The following KCNMA1 variants were observed in gnomAD, a reference collection of about 807,000 sequenced individuals.
KCNMA1 encodes potassium calcium-activated channel subfamily M alpha 1, also known as Calcium-activated potassium channel subunit alpha-1.
Under a neutral mutation model 140.0 loss-of-function variants are expected in KCNMA1, and 29 were observed. That is an observed-to-expected ratio of 0.21 (90% CI 0.15 to 0.28). The LOEUF (loss-of-function observed/expected upper bound fraction) is 0.28, where lower values mean the gene tolerates loss of function less well. Ranked by LOEUF, KCNMA1 falls within the 10% of genes least tolerant of loss-of-function variation. The probability of loss-of-function intolerance (pLI) is 1.00; values close to 1 mark genes in which losing one functional copy is unlikely to be tolerated. For synonymous variants in KCNMA1, 612 were observed against 611.9 expected, an observed-to-expected ratio of 1.00 and a Z score of 0.00; for missense variants, 880 against 1,602.2, an observed-to-expected ratio of 0.55 and a Z score of 7.70.
At chr10:77,207,135 T>C (rs2044404188) in intron 3 of KCNMA1, among the ~76,000 whole-genome samples, 1 of 152,186 alleles carries the variant, frequency 6.6e-6, no homozygotes, top group Non-Finnish European at 1.5e-5. Context: ...TTGTCAATTT[T>C]TTTTTCTAGA....
At chr10:77,576,180 C>A (rs1158790295) in intron 1 of KCNMA1, among the ~76,000 whole-genome samples, 1 of 152,138 alleles carries the variant, frequency 6.6e-6, no homozygotes, top group Non-Finnish European at 1.5e-5. Flanking sequence ...GGAACAAGGC[C>A]CTAGACTAGC....
At chr10:77,501,985 T>C (rs1002661059) in intron 1 of KCNMA1, among the ~76,000 whole-genome samples, 3 of 152,148 alleles carry the variant, frequency 2.0e-5, no homozygotes, top group Non-Finnish European at 4.4e-5. Context: ...CACTCGAGCA[T>C]TTTAGAGCTG....
chr10:77,061,283 C>T (rs569538443), intron 14 of KCNMA1, among the ~76,000 whole-genome samples: 94 of 152,118 alleles, frequency 6.2e-4, no homozygotes, highest in African/African-American at 2.0e-3. Context: ...GTATATCCAA[C>T]GAGATCCAAA....
chr10:77,062,597 T>C lies in KCNMA1; in HGVS notation c.1749+10500A>G, dbSNP rs531039778. ...TGGCTTGAGCAATACATCCTCCCAC[T>C]ACAAGGCATTATGGTCTAGACAAGA... On this transcript the variant is annotated intron_variant, in intron 14 of 27. Transcript: ENST00000286628. Among the ~76,000 whole-genome samples, 56 of 152,312 alleles carry C rather than the reference T, an allele frequency of 3.7e-4. 1 individual carries two copies. The highest frequency in any genetic ancestry group is 1.2e-3 in the African/African-American group (50 of 41,568).
Position 77,621,153 on chromosome 10 carries a change from G to T in KCNMA1, c.378+16112C>A, listed in dbSNP as rs559994957. On this transcript the variant is annotated intron_variant, in intron 1 of 27. Transcript: ENST00000286628. The stretch of plus-strand genomic sequence containing the variant: ...ATATAATAATGTATTTCCAGGCCAC[G>T]GAGGTGGAGAGGCACAAGGAATTGA... Among the ~76,000 whole-genome samples, 26 of 152,306 alleles carry T rather than the reference G, an allele frequency of 1.7e-4. No individual in the cohort carries two copies. The East Asian group carries it at 5.0e-3, about 29-fold the overall frequency.
At chr10:77,609,838 T>C (rs1038647430) in intron 1 of KCNMA1, among the ~76,000 whole-genome samples, 1 of 151,930 alleles carries the variant, frequency 6.6e-6, no homozygotes, top group African/African-American at 2.4e-5. Context: ...AAACACAGAC[T>C]GAAAATAAAG....
chr10:77,401,077 T>C (rs1478119500), intron 2 of KCNMA1, among the ~76,000 whole-genome samples: 1 of 151,826 alleles, frequency 6.6e-6, no homozygotes, highest in Non-Finnish European at 1.5e-5. Flanking sequence ...CCATTCAGTC[T>C]CCACTTGTCC....
At chr10:77,100,873 A>C (rs1423046720) in intron 9 of KCNMA1, among the ~76,000 whole-genome samples, 2 of 152,154 alleles carry the variant, frequency 1.3e-5, no homozygotes, top group Non-Finnish European at 2.9e-5. Context: ...TGGAAGAAAG[A>C]ATATTTGAGA....
At chr10:77,598,082 C>T (rs936813801) in intron 1 of KCNMA1, among the ~76,000 whole-genome samples, 21 of 152,166 alleles carry the variant, frequency 1.4e-4, no homozygotes, top group African/African-American at 5.1e-4. Flanking sequence ...AGTGATTCTC[C>T]TGCCTCAGCC....
intron 1 of KCNMA1, among the ~76,000 whole-genome samples, chr10:77,566,342 C>T (rs1192403649): frequency 2.0e-5 from 3 of 152,186 alleles, no homozygotes; most frequent in South Asian, 2.1e-4. Flanking sequence ...AAAAGTCCCT[C>T]GGCAGAAGCA....
intron 1 of KCNMA1, among the ~76,000 whole-genome samples, chr10:77,526,771 C>T (rs1230782672): frequency 6.6e-6 from 1 of 152,152 alleles, no homozygotes; most frequent in Non-Finnish European, 1.5e-5. Context: ...AATCTGCCTA[C>T]TCGCTGAGAT....
At chr10:77,289,754 T>C (rs922984134) in intron 2 of KCNMA1, among the ~76,000 whole-genome samples, 5 of 152,212 alleles carry the variant, frequency 3.3e-5, no homozygotes, top group East Asian at 1.9e-4. Context: ...GTCTTCAAAA[T>C]AGTACATCAA....
intron 18 of KCNMA1, among the ~76,000 whole-genome samples, chr10:77,010,875 CT>C (rs1288507800): frequency 6.6e-6 from 1 of 151,960 alleles, no homozygotes; most frequent in African/African-American, 2.4e-5. Flanking sequence ...AGACCCAAGA[CT>C]GCCCACATTG....
chr10:77,478,933 A>G (rs1029933536), intron 1 of KCNMA1, among the ~76,000 whole-genome samples: 1 of 152,216 alleles, frequency 6.6e-6, no homozygotes, highest in African/African-American at 2.4e-5. Context: ...TGATAACGTA[A>G]TGTTAAGAAG....
intron 5 of KCNMA1, among the ~76,000 whole-genome samples, chr10:77,164,180 T>C (rs1023155486): frequency 6.6e-6 from 1 of 152,208 alleles, no homozygotes; most frequent in African/African-American, 2.4e-5. Context: ...CTGATGCATC[T>C]TCCTGAGTGA....
chr10:77,185,356 G>A (rs746314783), intron 3 of KCNMA1, among the ~76,000 whole-genome samples: 1 of 152,004 alleles, frequency 6.6e-6, no homozygotes, highest in Non-Finnish European at 1.5e-5. Flanking sequence ...TGGCAGTGGG[G>A]CCTGTTTTCA....
chr10:77,037,673 C>T (rs745357633), intron 15 of KCNMA1, among the ~76,000 whole-genome samples: 1 of 152,154 alleles, frequency 6.6e-6, no homozygotes, highest in Non-Finnish European at 1.5e-5. Flanking sequence ...GGGGGCTTGA[C>T]GGAGCCCCTG....
chr10:77,307,134 C>T (rs953215938), intron 2 of KCNMA1, among the ~76,000 whole-genome samples: 2 of 152,190 alleles, frequency 1.3e-5, no homozygotes, highest in African/African-American at 4.8e-5. Flanking sequence ...CAAAGGTCAT[C>T]AATTGCAAGA....
At chr10:77,303,718 C>T (rs1337334357) in intron 2 of KCNMA1, among the ~76,000 whole-genome samples, 1 of 152,136 alleles carries the variant, frequency 6.6e-6, no homozygotes, top group African/African-American at 2.4e-5. Flanking sequence ...CATCAGCATA[C>T]CCAGGAAGTC....
Sources: gnomAD v4.1 joint callset for allele counts (sites outside exome capture counted in the v4.1 genomes callset) on GRCh38, gnomAD v4.1.1 for gene constraint, MANE v1.5 for transcripts, NCBI Gene and HGNC (gene_info 2026-07-23, HGNC 2026-07-21) for gene names.